OLFML1: variants seen among roughly 807,000 people sequenced by gnomAD.
The protein encoded by OLFML1 is olfactomedin-like protein 1.
A neutral mutation model predicts 37.3 loss-of-function variants in OLFML1; 33 were observed. The observed-to-expected ratio is 0.88, with a 90% CI of 0.67 to 1.18. OLFML1 has a LOEUF of 1.18. Ranked by LOEUF, OLFML1 falls within the 50% of genes most tolerant of loss-of-function variation. The pLI, the probability that OLFML1 is intolerant of heterozygous loss-of-function variation, is 0.00. For missense variants in OLFML1, 545 were observed against 483.7 expected, an observed-to-expected ratio of 1.13 and a Z score of -1.19; for synonymous variants, 186 against 181.3, an observed-to-expected ratio of 1.03 and a Z score of -0.21.
intron 2 of OLFML1, among the ~76,000 whole-genome samples, chr11:7,503,843 T>C (rs1848751184): frequency 6.6e-6 from 1 of 152,290 alleles, no homozygotes; most frequent in African/African-American, 2.4e-5. Context: ...GAGCAGTTTG[T>C]TGATGGATTT....
intron 2 of OLFML1, among the ~76,000 whole-genome samples, chr11:7,496,271 C>T (rs1190137289): frequency 1.3e-5 from 2 of 152,236 alleles, no homozygotes; most frequent in African/African-American, 2.4e-5. Context: ...AGCCTGGTCA[C>T]TTTAACACTT....
In OLFML1 at chr11:7,485,979, T is replaced by A. The variant is rs140792113; in HGVS notation, c.104T>A (p.Ile35Asn). 1.2e-6 allele frequency: 2 copies of A among 1,614,082 alleles called. No individual in the cohort carries two copies. The highest frequency in any genetic ancestry group is 2.2e-5 in the East Asian group (1 of 44,874). ...CTQDPAMVHY[I>N]YQRFRVLEQG... Reference sequence around the variant, plus strand: ...CAGGACCCAGCCATGGTGCATTACATCTACCAGCGCTTTCGAGTCTTGGAG... The same window carrying A: ...CAGGACCCAGCCATGGTGCATTACAACTACCAGCGCTTTCGAGTCTTGGAG... The change falls in exon 1 of 3, where the codon ATC (isoleucine) becomes AAC (asparagine). Residue 35 changes from isoleucine to asparagine, a missense_variant. By Grantham distance (149) the Ile-to-Asn change is moderately radical (BLOSUM62 -3). Transcript: ENST00000329293.
At chr11:7,496,822 T>A (rs1470738402) in intron 2 of OLFML1, among the ~76,000 whole-genome samples, 1 of 152,082 alleles carries the variant, frequency 6.6e-6, no homozygotes, top group East Asian at 1.9e-4. Context: ...AGATAATTGG[T>A]GGAAAGTGGA....
intron 2 of OLFML1, among the ~76,000 whole-genome samples, chr11:7,494,359 T>C (rs1008343146): frequency 4.6e-5 from 7 of 152,230 alleles, no homozygotes; most frequent in African/African-American, 1.7e-4. Flanking sequence ...TATTACTGAA[T>C]GCGTATTATG....
rs1848554218 is a variant in OLFML1, at chr11:7,488,411, T to A, written c.414T>A (p.Asn138Lys). The change falls in exon 2 of 3, where the codon AAT (asparagine) becomes AAA (lysine). Residue 138 changes from asparagine (N) to lysine (K), a missense_variant. Asn to Lys is a moderately conservative substitution (Grantham distance 94). Transcript: ENST00000329293. ...AGAAAAAGATCCGGACTCTGCTGAATGCAAGTAAGAAAACTGCATCTTTTC... is the reference window on the plus strand; with the variant it reads ...AGAAAAAGATCCGGACTCTGCTGAAAGCAAGTAAGAAAACTGCATCTTTTC... ...EEEKKIRTLLNASCDNMLMGI... is the reference protein window; with the variant it reads ...EEEKKIRTLLKASCDNMLMGI... 1 of 1,610,352 alleles carries A rather than the reference T, an allele frequency of 6.2e-7. No homozygotes were observed. The highest frequency in any genetic ancestry group is 8.5e-7 in the Non-Finnish European group (1 of 1,178,192).
intron 2 of OLFML1, among the ~76,000 whole-genome samples, chr11:7,495,340 C>A (rs182853687): frequency 0.044 from 6,760 of 152,166 alleles, 216 homozygotes; most frequent in Non-Finnish European, 0.072. Flanking sequence ...AGCAACCCCC[C>A]CAAAAATAAC....
chr11:7,500,907 A>G (rs904694645), intron 2 of OLFML1, among the ~76,000 whole-genome samples: 2 of 152,120 alleles, frequency 1.3e-5, no homozygotes, highest in Non-Finnish European at 2.9e-5. Context: ...AAACTTAAAA[A>G]AAGAATTATA....
rs375735913 is a variant in OLFML1 at position 7,511,369 on chromosome 11, A to T, written c.*1181A>T. The stretch of plus-strand genomic sequence containing the variant: ...AGGTTATATTTGCCCACATACCCTA[A>T]GCACAAAAGCTTTCTGGGAGTGCTG... On this transcript the variant is annotated 3_prime_UTR_variant, in exon 3 of 3. Transcript: ENST00000329293. 1 of 152,238 alleles carries T rather than the reference A, an allele frequency of 6.6e-6. No individual in the cohort carries two copies. The highest frequency in any genetic ancestry group is 1.5e-5 in the Non-Finnish European group (1 of 68,042). 9.4% of individuals were successfully genotyped at this position (152,238 alleles called of 1,614,324 possible). A position where few individuals can be genotyped will look rare whatever the true frequency, so the allele number is the denominator to read the frequency against.
chr11:7,509,985 C>G lies in OLFML1; in HGVS notation c.1006C>G (p.Gln336Glu). The change falls in exon 3 of 3, where the codon CAG (glutamine) becomes GAG (glutamate). Residue 336 changes from glutamine (Q) to glutamate (E), a missense_variant. Transcript: ENST00000329293. The part of the protein sequence containing the change: ...VLYVVYSTGG[Q>E]GPHRITCIYD... ...CTATGTGGTCTACAGTACTGGGGGC[C>G]AGGGCCCTCATCGCATCACCTGCAT... 1 of 1,614,222 alleles carries G rather than the reference C, an allele frequency of 6.2e-7. No homozygotes were observed. The highest frequency in any genetic ancestry group is 8.5e-7 in the Non-Finnish European group (1 of 1,180,034).
intron 2 of OLFML1, 28 bp from the exon 3 acceptor site, chr11:7,509,370 A>ATC: frequency 1.3e-6 from 2 of 1,544,012 alleles, no homozygotes; most frequent in South Asian, 2.5e-5. Context: ...TTATAAAGTA[A>ATC]TCTCTCCTTT....
intron 2 of OLFML1, among the ~76,000 whole-genome samples, chr11:7,493,382 C>T (rs1404294107): frequency 1.3e-5 from 2 of 152,176 alleles, no homozygotes; most frequent in African/African-American, 2.4e-5. Context: ...ATCTGTTTGC[C>T]AACTCTCAAG....
intron 2 of OLFML1, among the ~76,000 whole-genome samples, chr11:7,505,919 T>G (rs1356514445): frequency 6.6e-6 from 1 of 152,204 alleles, no homozygotes; most frequent in East Asian, 1.9e-4. Flanking sequence ...CTGATTCATA[T>G]CAATCTTCAA....
At chr11:7,506,053 G>A (rs1848782489) in intron 2 of OLFML1, among the ~76,000 whole-genome samples, 1 of 152,194 alleles carries the variant, frequency 6.6e-6, no homozygotes, top group Non-Finnish European at 1.5e-5. Context: ...GAGTTATGGT[G>A]AAGTAAAAGA....
In OLFML1 at chr11:7,509,593, G is replaced by C. The variant is rs146709029; in HGVS notation, c.614G>C (p.Arg205Pro). Residue 205 changes from arginine to proline, a missense_variant, in exon 3 of 3, where the codon CGG (arginine) becomes CCG (proline). Physicochemically the swap from Arg to Pro is moderately radical, Grantham distance 103. Coordinates refer to ENST00000329293, the MANE Select transcript of OLFML1 (RefSeq NM_198474.4). ...GAGGATAACACCAAGCCAGCTCCCC[G>C]GAAGCAAATCCTAACACTTTCCTGG... The part of the protein sequence containing the change: ...FMEDNTKPAP[R>P]KQILTLSWQG... The C allele has an allele frequency of 6.2e-7, 1 of 1,614,166 alleles. No homozygotes were observed. Among genetic ancestry groups the C allele is most frequent in the Non-Finnish European group, 8.5e-7 (1 of 1,180,020 alleles).
intron 2 of OLFML1, among the ~76,000 whole-genome samples, chr11:7,504,238 C>G (rs1848755674): frequency 6.6e-6 from 1 of 151,848 alleles, no homozygotes; most frequent in African/African-American, 2.4e-5. Context: ...GTGCCAAGTC[C>G]CCAAGGCAGG....
intron 2 of OLFML1, among the ~76,000 whole-genome samples, chr11:7,499,785 T>C (rs1848700533): frequency 6.6e-6 from 1 of 152,228 alleles, no homozygotes; most frequent in African/African-American, 2.4e-5. Flanking sequence ...TCTCCAAGGG[T>C]TCTGCATTAG....
chr11:7,493,154 C>A (rs1246074654), intron 2 of OLFML1, among the ~76,000 whole-genome samples: 4 of 152,148 alleles, frequency 2.6e-5, no homozygotes, highest in Non-Finnish European at 5.9e-5. Context: ...CCTTTTATTG[C>A]AAGGGTGCAC....
At chr11:7,500,460 G>A (rs1848707251) in intron 2 of OLFML1, among the ~76,000 whole-genome samples, 1 of 152,092 alleles carries the variant, frequency 6.6e-6, no homozygotes, top group Non-Finnish European at 1.5e-5. Context: ...CATGCCCTTG[G>A]GGCTGGCTGG....
rs541853873 is a variant in OLFML1, at chr11:7,486,952, G to C, written c.129+948G>C. 3.2e-4 allele frequency among the ~76,000 whole-genome samples: 48 copies of C among 152,262 alleles called. No individual in the cohort carries two copies. The South Asian group carries it at 9.1e-3, about 29-fold the overall frequency. On this transcript the variant is annotated intron_variant, in intron 1 of 2. Coordinates refer to ENST00000329293, the MANE Select transcript of OLFML1 (RefSeq NM_198474.4). ...GGCAGTGGATGAAGTGTTCCCAGACGAGCGGCCTCTTGCGCTTCTTCACTT... is the reference window on the plus strand; with the variant it reads ...GGCAGTGGATGAAGTGTTCCCAGACCAGCGGCCTCTTGCGCTTCTTCACTT...
Sources: gnomAD v4.1 joint callset for allele counts (sites outside exome capture counted in the v4.1 genomes callset) on GRCh38, gnomAD v4.1.1 for gene constraint, MANE v1.5 for transcripts, NCBI Gene and HGNC (gene_info 2026-07-23, HGNC 2026-07-21) for gene names.